The following GALNT2 variants were observed in gnomAD, a reference collection of about 807,000 sequenced individuals.
GALNT2 encodes polypeptide N-acetylgalactosaminyltransferase 2.
In GALNT2, 31 loss-of-function variants were observed where a neutral mutation model predicts 81.4. That is an observed-to-expected ratio of 0.38 (90% CI 0.29 to 0.51). The LOEUF is 0.51. Among genes scored for constraint, GALNT2 ranks in the 20% least tolerant of loss-of-function variants. The pLI is 0.87. For missense variants in GALNT2, 629 were observed against 765.7 expected (o/e 0.82, Z 2.11); for synonymous variants, 303 against 287.4 (o/e 1.05, Z -0.55).
At chr1:230,250,407 C>G in intron 9 of GALNT2, 50 bp from the exon 10 acceptor site, 4 of 1,425,118 alleles carry the variant, frequency 2.8e-6, no homozygotes, top group Non-Finnish European at 3.9e-6. Flanking sequence ...GGCAATCTAA[C>G]CTTGACTTTG....
rs115832683 is a variant in GALNT2 at position 230,075,995 on chromosome 1, C to T, written c.126+8589C>T. On this transcript the variant is annotated intron_variant, in intron 1 of 15. Transcript: ENST00000366672. ...TAAACAAATGAGCCAGTTTTCTTTC[C>T]CGAAGGATGTTGCCTTTGGTTGGCT... Among the ~76,000 whole-genome samples, 791 of 152,168 alleles carry T rather than the reference C, an allele frequency of 5.2e-3. 8 individuals carry two copies. Among genetic ancestry groups the T allele is most frequent in the African/African-American group, 0.018 (752 of 41,518 alleles).
intron 11 of GALNT2, among the ~76,000 whole-genome samples, chr1:230,261,377 T>C (rs1665872856): frequency 6.6e-6 from 1 of 152,202 alleles, no homozygotes; most frequent in Non-Finnish European, 1.5e-5. Flanking sequence ...GTTTCGCCAT[T>C]TTAAGGAATT....
At chr1:230,110,753 CT>C (rs1660678569) in intron 1 of GALNT2, among the ~76,000 whole-genome samples, 1 of 125,570 alleles carries the variant, frequency 8.0e-6, no homozygotes, top group Admixed American at 8.4e-5. Context: ...TTTCTAGGGT[CT>C]TTTCTGGTAA....
At chr1:230,142,901 C>T (rs1398174693) in intron 1 of GALNT2, among the ~76,000 whole-genome samples, 1 of 152,132 alleles carries the variant, frequency 6.6e-6, no homozygotes, top group Non-Finnish European at 1.5e-5. Flanking sequence ...TGGCCCGTAC[C>T]CTGGGAGAAG....
chr1:230,189,885 C>A (rs1290942673), intron 2 of GALNT2, among the ~76,000 whole-genome samples: 6 of 152,186 alleles, frequency 3.9e-5, no homozygotes, highest in African/African-American at 1.4e-4. Flanking sequence ...ATGAGTGCAG[C>A]CTTACAGTAC....
At chr1:230,253,611 A>C (rs577858974) in intron 10 of GALNT2, among the ~76,000 whole-genome samples, 1 of 152,370 alleles carries the variant, frequency 6.6e-6, no homozygotes, top group South Asian at 2.1e-4. Flanking sequence ...TTTTTAATAC[A>C]TATAATGTAT....
At chr1:230,143,760 C>T (rs537886090) in intron 1 of GALNT2, among the ~76,000 whole-genome samples, 2 of 152,360 alleles carry the variant, frequency 1.3e-5, no homozygotes, top group African/African-American at 2.4e-5. Context: ...GCCACACGCA[C>T]GTGGGTGACA....
At chr1:230,191,605 G>C (rs545281125) in intron 2 of GALNT2, among the ~76,000 whole-genome samples, 52 of 152,274 alleles carry the variant, frequency 3.4e-4, no homozygotes, top group African/African-American at 1.2e-3. Context: ...TCAAAGTCCT[G>C]GGCTTAAGCA....
At chr1:230,138,611 C>T (rs1661630097) in intron 1 of GALNT2, among the ~76,000 whole-genome samples, 1 of 151,318 alleles carries the variant, frequency 6.6e-6, no homozygotes, top group African/African-American at 2.4e-5. Flanking sequence ...ACTGAGTATA[C>T]TTATGGTTAT....
chr1:230,168,478 A>T (rs544022111), intron 1 of GALNT2, among the ~76,000 whole-genome samples: 6 of 152,304 alleles, frequency 3.9e-5, no homozygotes, highest in South Asian at 4.1e-4. Flanking sequence ...GATTATTCTC[A>T]TTGGAAGATT....
At chr1:230,111,171 CAT>C (rs1660695504) in intron 1 of GALNT2, among the ~76,000 whole-genome samples, 3 of 152,232 alleles carry the variant, frequency 2.0e-5, no homozygotes, top group Admixed American at 2.0e-4. Context: ...ACACAGCACA[CAT>C]GCACACATGC....
At position 230,243,446 on chromosome 1, in the gene GALNT2, G is replaced by C. The variant is rs1225733355; in HGVS notation, c.729+19G>C. On this transcript the variant is annotated intron_variant, in intron 7 of 15. Coordinates refer to ENST00000366672, the MANE Select transcript of GALNT2 (RefSeq NM_004481.5). This position sits in a 1 kb window ranked among gnomAD's most constrained non-coding sequence, Gnocchi z 4.2. ...GGCGGAGGTGAGATGACGGGGGCTGGGAGGGGTGTCAGGTCGTGGGTGGTT... is the reference window on the plus strand; with the variant it reads ...GGCGGAGGTGAGATGACGGGGGCTGCGAGGGGTGTCAGGTCGTGGGTGGTT... 6.2e-7 allele frequency: 1 copy of C among 1,608,604 alleles called. No individual in the cohort carries two copies. The highest frequency in any genetic ancestry group is 1.3e-5 in the African/African-American group (1 of 74,994).
chr1:230,107,370 C>T (rs1169975006), intron 1 of GALNT2, among the ~76,000 whole-genome samples: 1 of 152,032 alleles, frequency 6.6e-6, no homozygotes, highest in East Asian at 1.9e-4. Context: ...CCCAGGAGTT[C>T]GAGACCAGCC....
intron 1 of GALNT2, among the ~76,000 whole-genome samples, chr1:230,118,714 C>T (rs1029024721): frequency 1.3e-5 from 2 of 152,162 alleles, no homozygotes; most frequent in Admixed American, 6.5e-5. Flanking sequence ...GGCTCCTCCC[C>T]GCACTGTCTC....
At chr1:230,276,278 A>G (rs1052373791) in intron 15 of GALNT2, among the ~76,000 whole-genome samples, 5 of 152,036 alleles carry the variant, frequency 3.3e-5, no homozygotes, top group African/African-American at 1.2e-4. Context: ...TTGTGGACAC[A>G]CCCTTTCTCA....
intron 6 of GALNT2, among the ~76,000 whole-genome samples, chr1:230,237,899 T>G (rs1342303549): frequency 1.3e-5 from 2 of 151,922 alleles, no homozygotes; most frequent in African/African-American, 4.8e-5. Flanking sequence ...GTTGGCACTG[T>G]AAATCACTTA....
chr1:230,144,709 TTTC>T (rs2102828335), intron 1 of GALNT2, among the ~76,000 whole-genome samples: 1 of 152,244 alleles, frequency 6.6e-6, no homozygotes, highest in African/African-American at 2.4e-5. Flanking sequence ...GGATGTTATT[TTTC>T]TTCTTGTGAT....
At chr1:230,216,794 G>T (rs545706142) in intron 3 of GALNT2, among the ~76,000 whole-genome samples, 1 of 152,062 alleles carries the variant, frequency 6.6e-6, no homozygotes, top group South Asian at 2.1e-4. Flanking sequence ...ACTGCCATCT[G>T]TAAAATTTAA....
intron 1 of GALNT2, among the ~76,000 whole-genome samples, chr1:230,177,971 C>A (rs1292026700): frequency 6.6e-6 from 1 of 152,136 alleles, no homozygotes; most frequent in Non-Finnish European, 1.5e-5. Context: ...ATAAGCAATA[C>A]AAATATAAAA....
Sources: allele counts gnomAD v4.1 joint callset (sites outside exome capture counted in the v4.1 genomes callset), GRCh38; gene constraint gnomAD v4.1.1; non-coding constraint Gnocchi (gnomAD v3.1); transcripts MANE v1.5; gene names NCBI Gene and HGNC (gene_info 2026-07-23, HGNC 2026-07-21).